The following TVP23A variants were observed in gnomAD, a reference collection of about 807,000 sequenced individuals.
TVP23A encodes the protein Golgi apparatus membrane protein TVP23 homolog A.
Under a neutral mutation model 31.7 loss-of-function variants are expected in TVP23A, and 21 were observed. The ratio of observed to expected loss-of-function variants is 0.66; its 90% CI spans 0.47 to 0.95. TVP23A has a LOEUF of 0.95. Ranked by LOEUF, TVP23A falls within the 40% of genes least tolerant of loss-of-function variation. The pLI, the probability that TVP23A is intolerant of heterozygous loss-of-function variation, is 0.00. For missense variants in TVP23A, 279 were observed against 255.6 expected (o/e 1.09, Z -0.62); for synonymous variants, 104 against 96.0 (o/e 1.08, Z -0.49).
chr16:10,766,002 G>T (rs903349402), downstream of TVP23A: 2 of 152,404 alleles, frequency 1.3e-5, no homozygotes, highest in Non-Finnish European at 2.9e-5. This position sits in a 1 kb window ranked among gnomAD's most constrained non-coding sequence, Gnocchi z 4.8. Flanking sequence ...CACGCATCTG[G>T]CAAGGTCACT....
intron 2 of TVP23A, among the ~76,000 whole-genome samples, chr16:10,776,451 G>C (rs2032027057): frequency 6.6e-6 from 1 of 152,172 alleles, no homozygotes; most frequent in Non-Finnish European, 1.5e-5. Context: ...ATGGCAGTGG[G>C]TGATGTGGGC....
At chr16:10,814,540 A>G (rs972135060) in intron 2 of TVP23A, among the ~76,000 whole-genome samples, 2 of 151,814 alleles carry the variant, frequency 1.3e-5, no homozygotes, top group Non-Finnish European at 2.9e-5. Flanking sequence ...TTCCTCTGTC[A>G]TCCCTGCCAG....
intron 2 of TVP23A, among the ~76,000 whole-genome samples, chr16:10,794,374 T>G (rs1316267979): frequency 6.6e-6 from 1 of 152,182 alleles, no homozygotes; most frequent in African/African-American, 2.4e-5. Flanking sequence ...TCATACTGGA[T>G]TAGGGGCCTG....
At chr16:10,811,903 CAAAAAAAAA>C (rs763108313) in intron 2 of TVP23A, among the ~76,000 whole-genome samples, 3 of 42,282 alleles carry the variant, frequency 7.1e-5, no homozygotes, top group African/African-American at 8.4e-5. Flanking sequence ...GACTCCGTCT[CAAAAAAAAA>C]AAAAAAAAAA....
At chr16:10,766,170 G>C (rs1567268164), downstream of TVP23A, 1 of 152,422 alleles carries the variant, frequency 6.6e-6, no homozygotes. The surrounding 1 kb of genome is among the most constrained non-coding windows in gnomAD (Gnocchi z 4.8). Flanking sequence ...ATCACAGGAA[G>C]GGCTGGCCTC....
chr16:10,770,493 T>A (rs9925173), intron 6 of TVP23A, among the ~76,000 whole-genome samples, 162 bp from the exon 7 acceptor site: 46,584 of 151,922 alleles, frequency 0.31, 8,021 homozygotes, highest in African/African-American at 0.47. Context: ...AGGACGGTTC[T>A]ACCCATTTCA....
chr16:10,812,883 T>A (rs987276711), intron 2 of TVP23A, among the ~76,000 whole-genome samples: 1 of 152,124 alleles, frequency 6.6e-6, no homozygotes, highest in African/African-American at 2.4e-5. Context: ...GGGTTTTTTT[T>A]AATCACAGTT....
At chr16:10,763,980 G>A (rs568238944), downstream of TVP23A, 66 of 186,448 alleles carry the variant, frequency 3.5e-4, no homozygotes, top group Admixed American at 7.9e-4. Context: ...CTCAGGCCAC[G>A]GGAGCATCCC....
intron 2 of TVP23A, among the ~76,000 whole-genome samples, chr16:10,793,692 T>C (rs1002973519): frequency 2.6e-5 from 4 of 151,740 alleles, no homozygotes; most frequent in Non-Finnish European, 5.9e-5. Flanking sequence ...CTCAGGAGTT[T>C]GAGACCAGCT....
chr16:10,771,313 G>C (rs2031600773), intron 6 of TVP23A, among the ~76,000 whole-genome samples: 1 of 152,170 alleles, frequency 6.6e-6, no homozygotes, highest in Non-Finnish European at 1.5e-5. Flanking sequence ...GGCCAAGGCA[G>C]GCGGGCTGCT....
At chr16:10,796,993 C>A (rs2033424380) in intron 2 of TVP23A, among the ~76,000 whole-genome samples, 5 of 152,008 alleles carry the variant, frequency 3.3e-5, no homozygotes, top group Admixed American at 3.3e-4. Context: ...AATTCGAGAA[C>A]AGCCTGGGCA....
At chr16:10,784,983 G>A (rs991013870) in intron 2 of TVP23A, among the ~76,000 whole-genome samples, 1 of 151,806 alleles carries the variant, frequency 6.6e-6, no homozygotes, top group African/African-American at 2.4e-5. Context: ...TGTAATCCCA[G>A]CTACCTGGGA....
At chr16:10,776,371 A>C (rs1478733290) in intron 2 of TVP23A, among the ~76,000 whole-genome samples, 1 of 152,040 alleles carries the variant, frequency 6.6e-6, no homozygotes, top group African/African-American at 2.4e-5. Context: ...TCAGACTCCA[A>C]CTCAAAAAAT....
chr16:10,793,514 C>T (rs1476660162), intron 2 of TVP23A, among the ~76,000 whole-genome samples: 1 of 152,160 alleles, frequency 6.6e-6, no homozygotes, highest in African/African-American at 2.4e-5. Context: ...TATAGCAACA[C>T]TCCACTTCTC....
intron 2 of TVP23A, among the ~76,000 whole-genome samples, chr16:10,801,998 C>CA (rs947903237): frequency 2.6e-5 from 4 of 151,434 alleles, no homozygotes; most frequent in Admixed American, 1.3e-4. Context: ...CTTGTTTCTA[C>CA]AAAAAATAAA....
At chr16:10,781,328 CAAAA>C (rs796378471) in intron 2 of TVP23A, among the ~76,000 whole-genome samples, 1 of 102,380 alleles carries the variant, frequency 9.8e-6, no homozygotes, top group African/African-American at 3.2e-5. Context: ...GACTCCATCT[CAAAA>C]AAAAAAAAAG....
intron 2 of TVP23A, among the ~76,000 whole-genome samples, chr16:10,799,490 C>A (rs773326711): frequency 6.6e-6 from 1 of 152,150 alleles, no homozygotes; most frequent in African/African-American, 2.4e-5. Context: ...CCTACTACCA[C>A]GCCTGACTAA....
At chr16:10,765,636 G>C (rs2030767850), downstream of TVP23A, among the ~76,000 whole-genome samples, 1 of 152,166 alleles carries the variant, frequency 6.6e-6, no homozygotes, top group Middle Eastern at 3.2e-3. The surrounding 1 kb of genome is among the most constrained non-coding windows in gnomAD (Gnocchi z 4.0). Context: ...TCCTGATACG[G>C]CTTTTCTTCC....
chr16:10,777,056 C>A lies in TVP23A; in HGVS notation c.90-1960G>T, dbSNP rs1167656957. Among the ~76,000 whole-genome samples, 1 of 152,196 alleles carries A rather than the reference C, an allele frequency of 6.6e-6. No homozygotes were observed. The highest frequency in any genetic ancestry group is 2.4e-5 in the African/African-American group (1 of 41,444). On this transcript the variant is annotated intron_variant, in intron 2 of 7. Coordinates refer to ENST00000299866, the MANE Select transcript of TVP23A (RefSeq NM_001079512.4). This position sits in a 1 kb window ranked among gnomAD's most constrained non-coding sequence, Gnocchi z 4.5. ...AGAATGCCTTAACCGTCCAGGAATG[C>A]AGCCCAGTAGGTCTCAGCCTCGTTT... is the stretch of plus-strand genomic sequence containing the variant.
Sources: gnomAD v4.1 joint callset for allele counts (sites outside exome capture counted in the v4.1 genomes callset) on GRCh38, gnomAD v4.1.1 for gene constraint, Gnocchi (gnomAD v3.1) non-coding constraint, MANE v1.5 for transcripts, NCBI Gene and HGNC (gene_info 2026-07-23, HGNC 2026-07-21) for gene names.